Variants in ZFHX4 observed in about 807,000 individuals in gnomAD.
ZFHX4 encodes zinc finger homeobox 4, also known as zinc finger homeobox protein 4.
ZFHX4 carries 56 observed loss-of-function variants against 267.6 expected under a neutral mutation model. The ratio of observed to expected loss-of-function variants is 0.21; its 90% CI spans 0.17 to 0.26. The LOEUF (loss-of-function observed/expected upper bound fraction) is 0.26. ZFHX4 is among the 10% of genes least tolerant of loss of function. ZFHX4 has a pLI of 1.00. For missense variants in ZFHX4, 4,332 were observed against 4,420.0 expected (o/e 0.98, Z 0.56); for synonymous variants, 1,778 against 1,665.6 (o/e 1.07, Z -1.64).
At chr8:76,856,951 A>T (rs932795562) in intron 10 of ZFHX4, among the ~76,000 whole-genome samples, 3 of 152,198 alleles carry the variant, frequency 2.0e-5, no homozygotes, top group African/African-American at 7.2e-5. Context: ...ATTTAAATAA[A>T]TTCAGCAACC....
intron 1 of ZFHX4, among the ~76,000 whole-genome samples, chr8:76,697,760 G>T (rs1263319699): frequency 3.3e-5 from 5 of 151,984 alleles, no homozygotes; most frequent in Non-Finnish European, 5.9e-5. Context: ...ATATTTATAT[G>T]CATTTTATCA....
intron 4 of ZFHX4, among the ~76,000 whole-genome samples, chr8:76,802,432 C>T (rs912440581): frequency 2.6e-5 from 4 of 152,142 alleles, no homozygotes; most frequent in African/African-American, 4.8e-5. Flanking sequence ...GGCAAGAAAA[C>T]GCATATGTAC....
chr8:76,811,738 T>C lies in ZFHX4; in HGVS notation c.3326-21600T>C, dbSNP rs80046259. 4.4e-3 allele frequency among the ~76,000 whole-genome samples: 672 copies of C among 152,240 alleles called. 7 individuals are homozygous for C. The highest frequency in any genetic ancestry group is 0.013 in the African/African-American group (558 of 41,540). The stretch of plus-strand genomic sequence containing the variant: ...CAATCAGATGCTTCTATGCATTAGG[T>C]TATTAGGTTATACATATGTATACAA... On this transcript the variant is annotated intron_variant, in intron 4 of 10. Transcript: ENST00000651372.
At chr8:76,717,754 C>T in intron 3 of ZFHX4, among the ~76,000 whole-genome samples, 1 of 151,900 alleles carries the variant, frequency 6.6e-6, no homozygotes, top group East Asian at 1.9e-4. Flanking sequence ...GTGCCACCAC[C>T]CTGGGCTAAT....
At chr8:76,830,456 C>T (rs914559589) in intron 4 of ZFHX4, among the ~76,000 whole-genome samples, 4 of 152,042 alleles carry the variant, frequency 2.6e-5, no homozygotes, top group African/African-American at 9.7e-5. Context: ...TTATTACAGA[C>T]CAGTTATTAA....
chr8:76,860,014 A>C (rs1425040097), intron 10 of ZFHX4, among the ~76,000 whole-genome samples: 1 of 152,050 alleles, frequency 6.6e-6, no homozygotes, highest in Non-Finnish European at 1.5e-5. Context: ...AGGAGTTGGG[A>C]AATGGGAAAG....
At chr8:76,833,628 T>C (rs1466745801) in intron 5 of ZFHX4, 8 of 449,124 alleles carry the variant, frequency 1.8e-5, no homozygotes, top group Admixed American at 1.4e-4. Context: ...CACAGCAAAT[T>C]TCCCCAATAC....
intron 1 of ZFHX4, among the ~76,000 whole-genome samples, chr8:76,696,625 C>A (rs528973907): frequency 7.5e-6 from 1 of 133,232 alleles, no homozygotes. Flanking sequence ...GTCAAATTTA[C>A]TTTCAGGCCA....
chr8:76,768,065 C>A (rs1349845019), intron 3 of ZFHX4, among the ~76,000 whole-genome samples: 3 of 151,972 alleles, frequency 2.0e-5, no homozygotes, highest in African/African-American at 7.2e-5. Context: ...TTGGATTGGG[C>A]TTTAAAATGG....
chr8:76,839,579 G>A (rs937302958), intron 5 of ZFHX4, among the ~76,000 whole-genome samples: 20 of 152,090 alleles, frequency 1.3e-4, no homozygotes, highest in Non-Finnish European at 2.2e-4. Context: ...TCCATATGCT[G>A]TATACATGTA....
In ZFHX4 at chr8:76,851,743, T is replaced by C. The variant is rs536010172; in HGVS notation, c.4822T>C (p.Leu1608=). ...TGTTGCATACAGCCAAAGCTCAACATTGGAAATCCACATGAGGTCTGTGCT... is the reference window on the plus strand; with the variant it reads ...TGTTGCATACAGCCAAAGCTCAACACTGGAAATCCACATGAGGTCTGTGCT... The part of the protein sequence containing the change: ...CNVAYSQSST[L]EIHMRSVLHQ... The change falls in exon 10 of 11, where the codon TTG becomes CTG. Residue 1608 remains leucine (L), a synonymous_variant. Transcript: ENST00000651372. The C allele has an allele frequency of 1.2e-5, 19 of 1,613,928 alleles. No individual in the cohort carries two copies. Among genetic ancestry groups the C allele is most frequent in the African/African-American group, 5.3e-5 (4 of 75,028 alleles).
In ZFHX4 at chr8:76,866,720, A is replaced by T. The variant is rs1341088398; in HGVS notation, c.*2155A>T. ...CATGGAACAGAACGCTTTTCACAAAACAAAGGACTGTTTTACAAATGATTA... is the reference window on the plus strand; with the variant it reads ...CATGGAACAGAACGCTTTTCACAAATCAAAGGACTGTTTTACAAATGATTA... On this transcript the variant is annotated 3_prime_UTR_variant, in exon 11 of 11. Transcript: ENST00000651372. 1 of 152,554 alleles carries T rather than the reference A, an allele frequency of 6.6e-6. No individual in the cohort carries two copies. Among genetic ancestry groups the T allele is most frequent in the Admixed American group, 6.6e-5 (1 of 15,248 alleles). The allele number at this position is 152,554 out of a possible 1,614,324, so 9.5% of individuals were successfully genotyped here.
chr8:76,842,850 AC>A, intron 6 of ZFHX4, 79 bp downstream of exon 6: 1 of 937,652 alleles, frequency 1.1e-6, no homozygotes, highest in Non-Finnish European at 1.6e-6. Context: ...CCATCCCCCC[AC>A]CCCACAAAAC....
At position 76,855,982 on chromosome 8, in the gene ZFHX4, T is replaced by C; in HGVS notation, c.9061T>C (p.Ser3021Pro). Residue 3021 changes from serine (S) to proline (P), a missense_variant, in exon 10 of 11, where the codon TCC (serine) becomes CCC (proline). Ser to Pro is a moderately conservative substitution (Grantham distance 74). This residue lies in a region of ZFHX4 where 1,648 missense variants were observed against 1,625.0 expected (regional missense o/e 1.01). Coordinates refer to ENST00000651372, the MANE Select transcript of ZFHX4 (RefSeq NM_024721.5). ...CGGGGTGAAGTACTCTGCCCGCTTG[T>C]CCATCAGAGATCACATTTTCTCCAA... Reference protein sequence around the residue: ...LCGVKYSARLSIRDHIFSKQH... With the variant: ...LCGVKYSARLPIRDHIFSKQH... 6.2e-7 allele frequency: 1 copy of C among 1,613,942 alleles called. No homozygotes were observed.
At chr8:76,784,086 C>T (rs774068106) in intron 4 of ZFHX4, among the ~76,000 whole-genome samples, 3 of 151,746 alleles carry the variant, frequency 2.0e-5, no homozygotes, top group Admixed American at 6.6e-5. Flanking sequence ...TTTCTAGAAC[C>T]GTTCTTTACC....
intron 6 of ZFHX4, among the ~76,000 whole-genome samples, chr8:76,843,335 C>A (rs1415419518): frequency 6.6e-6 from 1 of 152,004 alleles, no homozygotes; most frequent in East Asian, 1.9e-4. Flanking sequence ...ATGATTCAGC[C>A]TAAGAAAGAG....
intron 1 of ZFHX4, among the ~76,000 whole-genome samples, chr8:76,687,000 G>A (rs192463236): frequency 1.5e-4 from 23 of 152,264 alleles, no homozygotes; most frequent in Non-Finnish European, 3.1e-4. Flanking sequence ...ACTGAGAAGC[G>A]CCCAGGGAAA....
At chr8:76,752,726 T>A (rs927320992) in intron 3 of ZFHX4, among the ~76,000 whole-genome samples, 2 of 151,926 alleles carry the variant, frequency 1.3e-5, no homozygotes, top group African/African-American at 4.8e-5. Context: ...CCCCCCACAT[T>A]TAGCAGTACA....
chr8:76,826,962 G>A (rs1811801444), intron 4 of ZFHX4, among the ~76,000 whole-genome samples: 2 of 152,194 alleles, frequency 1.3e-5, no homozygotes, highest in Admixed American at 1.3e-4. Flanking sequence ...GGTGGAAGAG[G>A]GATCAGTTTA....
Sources: gnomAD v4.1 joint callset for allele counts (sites outside exome capture counted in the v4.1 genomes callset) on GRCh38, gnomAD v4.1.1 for gene constraint, gnomAD v4.1.1 regional missense constraint, MANE v1.5 for transcripts, NCBI Gene and HGNC (gene_info 2026-07-23, HGNC 2026-07-21) for gene names.